Variants in ZRANB1 observed in about 807,000 individuals in gnomAD.
ZRANB1 encodes the protein zinc finger RANBP2-type containing 1, also known as ubiquitin thioesterase ZRANB1.
ZRANB1 carries 16 observed loss-of-function variants against 80.5 expected under a neutral mutation model. That is an observed-to-expected ratio of 0.20 (90% confidence interval 0.13 to 0.30). ZRANB1 has a LOEUF of 0.30. ZRANB1 is among the 10% of genes least tolerant of loss of function. The probability of loss-of-function intolerance (pLI) is 1.00; values close to 1 mark genes in which losing one functional copy is unlikely to be tolerated. For synonymous variants in ZRANB1, 291 were observed against 293.1 expected, an observed-to-expected ratio of 0.99 and a Z score of 0.07; for missense variants, 576 against 862.6, an observed-to-expected ratio of 0.67 and a Z score of 4.16.
chr10:124,987,813 T>C lies in ZRANB1; in HGVS notation c.*2821T>C, dbSNP rs1044189807. On this transcript the variant is annotated 3_prime_UTR_variant, in exon 9 of 9. Transcript: ENST00000359653. ...AAGGAAGAGCTCAGAGGGAGTTTCATACCTGGAATTGTTGGACTTAATTGA... is the reference window on the plus strand; with the variant it reads ...AAGGAAGAGCTCAGAGGGAGTTTCACACCTGGAATTGTTGGACTTAATTGA... 6.6e-6 allele frequency: 1 copy of C among 152,226 alleles called. No individual in the cohort carries two copies. Among genetic ancestry groups the C allele is most frequent in the African/African-American group, 2.4e-5 (1 of 41,452 alleles). 9.4% of individuals were successfully genotyped at this position (152,226 alleles called of 1,614,324 possible). A position where few individuals can be genotyped will look rare whatever the true frequency, so the allele number is the denominator to read the frequency against.
chr10:124,963,547 T>G (rs1039361461), intron 1 of ZRANB1, among the ~76,000 whole-genome samples: 3 of 126,450 alleles, frequency 2.4e-5, no homozygotes, highest in African/African-American at 9.0e-5. Context: ...GTTTTTTTTT[T>G]TTGTTTGTTT....
intron 1 of ZRANB1, among the ~76,000 whole-genome samples, chr10:124,958,573 G>A (rs1951705612): frequency 6.6e-6 from 1 of 151,940 alleles, no homozygotes; most frequent in South Asian, 2.1e-4. Flanking sequence ...TTACATAGTT[G>A]AGATTATATT....
At chr10:124,925,265 C>G in the ZRANB1 span, among the ~76,000 whole-genome samples, 1 of 152,106 alleles carries the variant, frequency 6.6e-6, no homozygotes, top group Non-Finnish European at 1.5e-5. Context: ...CTAATCAACA[C>G]TTGTTATTGT....
the ZRANB1 span, among the ~76,000 whole-genome samples, chr10:124,929,944 CAAAAAAA>C: frequency 2.3e-5 from 2 of 87,808 alleles, no homozygotes; most frequent in African/African-American, 4.3e-5. Flanking sequence ...GACTCTGTCT[CAAAAAAA>C]AAAAAAAAAA....
chr10:124,976,887 A>AT (rs1951881108), intron 5 of ZRANB1, among the ~76,000 whole-genome samples: 1 of 151,094 alleles, frequency 6.6e-6, no homozygotes, highest in African/African-American at 2.4e-5. Flanking sequence ...TTTGGTGGTA[A>AT]TTTCCTGATC....
intron 1 of ZRANB1, among the ~76,000 whole-genome samples, chr10:124,963,872 G>A (rs184554052): frequency 1.3e-5 from 2 of 152,058 alleles, no homozygotes; most frequent in Admixed American, 6.5e-5. Flanking sequence ...ATGAAATTAC[G>A]TATTCCCCAA....
the ZRANB1 span, among the ~76,000 whole-genome samples, chr10:124,922,870 C>A: frequency 2.0e-5 from 3 of 152,106 alleles, no homozygotes; most frequent in African/African-American, 7.2e-5. Context: ...AAAAAATAAA[C>A]TACTACCCAG....
chr10:124,931,272 A>G, the ZRANB1 span, among the ~76,000 whole-genome samples: 8 of 151,838 alleles, frequency 5.3e-5, no homozygotes, highest in Non-Finnish European at 1.5e-5. Flanking sequence ...GAGTCTCACT[A>G]TGTTGCCCAG....
chr10:124,941,550 C>T (rs1951536598), upstream of ZRANB1, among the ~76,000 whole-genome samples: 1 of 152,088 alleles, frequency 6.6e-6, no homozygotes, highest in Admixed American at 6.6e-5. Flanking sequence ...CGGGGCTTTA[C>T]CATCTTGGCC....
intron 3 of ZRANB1, 80 bp downstream of exon 3, chr10:124,972,198 G>T: frequency 7.0e-7 from 1 of 1,430,898 alleles, no homozygotes; most frequent in South Asian, 1.3e-5. Flanking sequence ...AAATGTTTCT[G>T]TTAGAAAGCA....
the ZRANB1 span, among the ~76,000 whole-genome samples, chr10:124,932,353 G>A: frequency 0.96 from 144,674 of 150,052 alleles, 69,828 homozygotes; most frequent in Non-Finnish European, 0.99. Context: ...GTAGTGGTGC[G>A]TTCTTGGCTC....
the ZRANB1 span, among the ~76,000 whole-genome samples, chr10:124,919,433 GC>G: frequency 6.6e-6 from 1 of 151,844 alleles, no homozygotes; most frequent in South Asian, 2.1e-4. Flanking sequence ...TGTAATCCCA[GC>G]TACTCGGGAG....
rs1952064206 is a variant in ZRANB1, at chr10:124,986,985, CA to C, written c.*1995del. 3 of 150,370 alleles carry C rather than the reference CA, an allele frequency of 2.0e-5. No individual in the cohort carries two copies. Among genetic ancestry groups the C allele is most frequent in the African/African-American group, 7.6e-5 (3 of 39,384 alleles). The allele number at this position is 150,370 out of a possible 1,614,324, so 9.3% of individuals were successfully genotyped here. A position where few individuals can be genotyped will look rare whatever the true frequency, so the allele number is the denominator to read the frequency against. ...GCTCTATTATTTATTTATTTATTAT[CA>C]ATCAGTGACCCTGACCACATAGTGT... On this transcript the variant is annotated 3_prime_UTR_variant, in exon 9 of 9. Coordinates refer to ENST00000359653, the MANE Select transcript of ZRANB1 (RefSeq NM_017580.3).
At chr10:124,921,624 C>T in the ZRANB1 span, among the ~76,000 whole-genome samples, 16 of 151,884 alleles carry the variant, frequency 1.1e-4, no homozygotes, top group African/African-American at 3.9e-4. Context: ...ATATTTTTCC[C>T]CTTGAAATTC....
chr10:124,985,266 A>G lies in ZRANB1; in HGVS notation c.*274A>G, dbSNP rs1164214147. 2.9e-6 allele frequency: 1 copy of G among 343,600 alleles called. No individual in the cohort carries two copies. Among genetic ancestry groups the G allele is most frequent in the East Asian group, 4.9e-5 (1 of 20,542 alleles). 21.3% of individuals were successfully genotyped at this position (343,600 alleles called of 1,614,324 possible). On this transcript the variant is annotated 3_prime_UTR_variant, in exon 9 of 9. Transcript: ENST00000359653. ...TTCCAAATTGTAAATCTGTCTATAA[A>G]TGTAACGCATGTGGTTGTGTAAGAC...
At position 124,978,845 on chromosome 10, in the gene ZRANB1, A is replaced by G. The variant is rs1047172812; in HGVS notation, c.1428-2864A>G. Among the ~76,000 whole-genome samples, 110 of 119,488 alleles carry G rather than the reference A, an allele frequency of 9.2e-4. 2 individuals carry two copies. The highest frequency in any genetic ancestry group is 5.0e-5 in the Non-Finnish European group (3 of 60,578). 78.4% of individuals were successfully genotyped at this position (119,488 alleles called of 152,430 possible). ...TTTTTTGTAGAGACGGGGTTTCGCT[A>G]TGTTGCCCAGGCTGGTCTCAGACTC... On this transcript the variant is annotated intron_variant, in intron 5 of 8. Transcript: ENST00000359653.
intron 1 of ZRANB1, among the ~76,000 whole-genome samples, chr10:124,954,173 G>T (rs1951669167): frequency 1.7e-5 from 2 of 116,290 alleles, no homozygotes; most frequent in African/African-American, 3.9e-5. Context: ...TTTTGTAGAG[G>T]CGGGGTTTCA....
At chr10:124,961,070 C>T (rs748696212) in intron 1 of ZRANB1, among the ~76,000 whole-genome samples, 8 of 151,668 alleles carry the variant, frequency 5.3e-5, no homozygotes, top group Non-Finnish European at 1.0e-4. Flanking sequence ...GGCGCAATCT[C>T]GGCTCACTGC....
chr10:124,938,441 C>T (rs530359179), upstream of ZRANB1, among the ~76,000 whole-genome samples: 1 of 152,200 alleles, frequency 6.6e-6, no homozygotes, highest in East Asian at 1.9e-4. Flanking sequence ...ATCCTCCTGC[C>T]TCAGCCTCCT....
Sources: allele counts gnomAD v4.1 joint callset (sites outside exome capture counted in the v4.1 genomes callset), GRCh38; gene constraint gnomAD v4.1.1; transcripts MANE v1.5; gene names NCBI Gene and HGNC (gene_info 2026-07-23, HGNC 2026-07-21).